ZNF25: variants seen among roughly 807,000 people sequenced by gnomAD.
The protein encoded by ZNF25 is zinc finger protein 25 (KOX 19).
ZNF25 carries 21 observed loss-of-function variants against 30.9 expected under a neutral mutation model. The ratio of observed to expected loss-of-function variants is 0.68; its 90% CI spans 0.48 to 0.98. The LOEUF (loss-of-function observed/expected upper bound fraction) is 0.98. ZNF25 is among the 50% of genes least tolerant of loss of function. The probability of loss-of-function intolerance (pLI) is 0.00; values close to 1 mark genes in which losing one functional copy is unlikely to be tolerated. For synonymous variants in ZNF25, 169 were observed against 181.3 expected (o/e 0.93, Z 0.55); for missense variants, 501 against 529.9 (o/e 0.95, Z 0.54).
At chr10:37,966,928 A>G (rs1366542917) in intron 2 of ZNF25, among the ~76,000 whole-genome samples, 1 of 152,234 alleles carries the variant, frequency 6.6e-6, no homozygotes, top group Admixed American at 6.5e-5. Context: ...CATGATTCAA[A>G]TATATGCCTT....
chr10:37,963,868 G>A (rs984699729), intron 2 of ZNF25, among the ~76,000 whole-genome samples: 3 of 152,142 alleles, frequency 2.0e-5, no homozygotes, highest in African/African-American at 4.8e-5. Context: ...TCAACTACTT[G>A]GGAAGCTGAG....
rs779353939 is a variant in ZNF25 at position 37,949,701 on chromosome 10, G to A, written c.*2426C>T. On this transcript the variant is annotated 3_prime_UTR_variant, in exon 6 of 6. Coordinates refer to ENST00000302609, the MANE Select transcript of ZNF25 (RefSeq NM_145011.4). ...ACTAGTAATGTAGCTGATGGAATTG[G>A]GTATTGTAAGTTTTTTGTTATTGGG... is the stretch of plus-strand genomic sequence containing the variant. 1.1e-4 allele frequency: 17 copies of A among 152,314 alleles called. No individual in the cohort carries two copies. Among genetic ancestry groups the A allele is most frequent in the Admixed American group, 3.9e-4 (6 of 15,272 alleles). The allele number at this position is 152,314 out of a possible 1,614,324, so 9.4% of individuals were successfully genotyped here. A position where few individuals can be genotyped will look rare whatever the true frequency, so the allele number is the denominator to read the frequency against.
In ZNF25 at chr10:37,952,823, T is replaced by C. The variant is rs1467100091; in HGVS notation, c.675A>G (p.Thr225=). 1 of 1,613,980 alleles carries C rather than the reference T, an allele frequency of 6.2e-7. No individual in the cohort carries two copies. Among genetic ancestry groups the C allele is most frequent in the Admixed American group, 1.7e-5 (1 of 59,998 alleles). The change falls in exon 6 of 6, where the codon ACA becomes ACG. Residue 225 remains threonine (T), a synonymous_variant. Coordinates refer to ENST00000302609, the MANE Select transcript of ZNF25 (RefSeq NM_145011.4). Reference sequence around the variant, plus strand: ...CAGTACATTCAAAAGGTTTCTCCCCTGTGTGTGTTTTCTGATGTTCTGTGA... The same window carrying C: ...CAGTACATTCAAAAGGTTTCTCCCCCGTGTGTGTTTTCTGATGTTCTGTGA... ...PHLTEHQKTH[T]GEKPFECTEC...
intron 2 of ZNF25, among the ~76,000 whole-genome samples, chr10:37,962,039 A>G (rs2062911693): frequency 6.6e-6 from 1 of 151,932 alleles, no homozygotes; most frequent in Non-Finnish European, 1.5e-5. Context: ...GTTCAAGACC[A>G]GCCTGGTCAA....
intron 5 of ZNF25, 95 bp downstream of exon 5, chr10:37,953,600 C>T (rs1020031788): frequency 1.6e-5 from 18 of 1,149,252 alleles, no homozygotes; most frequent in African/African-American, 4.6e-5. Flanking sequence ...AGTTTTCTCA[C>T]GTTTAGTATT....
intron 1 of ZNF25, among the ~76,000 whole-genome samples, chr10:37,974,874 A>G (rs536971147): frequency 7.4e-4 from 113 of 152,330 alleles, no homozygotes; most frequent in Non-Finnish European, 1.5e-3. Context: ...GTACCCATCA[A>G]TGCATGAATA....
Position 37,952,739 on chromosome 10 carries a change from T to C in ZNF25, c.759A>G (p.Thr253=), listed in dbSNP as rs780554703. ...AYLMVHQKTH[T]GEKPYECKEC... is the part of the protein sequence containing the mutation. ...CCTTACACTCATAGGGTTTCTCCCC[T>C]GTGTGTGTTTTCTGATGTACCATGA... Residue 253 remains threonine (T), a synonymous_variant, in exon 6 of 6, where the codon ACA becomes ACG. Transcript: ENST00000302609. 4 of 1,613,840 alleles carry C rather than the reference T, an allele frequency of 2.5e-6. No individual in the cohort carries two copies. Among genetic ancestry groups the C allele is most frequent in the Non-Finnish European group, 3.4e-6 (4 of 1,179,934 alleles).
intron 2 of ZNF25, 115 bp downstream of exon 2, chr10:37,971,593 A>G (rs2063489998): frequency 6.6e-7 from 1 of 1,517,042 alleles, no homozygotes; most frequent in South Asian, 1.2e-5. Context: ...CTACGTTTCT[A>G]ATTTAGTATA....
At position 37,964,202 on chromosome 10, in the gene ZNF25, T is replaced by C. The variant is rs115703398; in HGVS notation, c.16-6656A>G. 3.9e-3 allele frequency among the ~76,000 whole-genome samples: 597 copies of C among 152,226 alleles called. 7 individuals are homozygous for C. The highest frequency in any genetic ancestry group is 0.014 in the African/African-American group (568 of 41,522). On this transcript the variant is annotated intron_variant, in intron 2 of 5. Transcript: ENST00000302609. ...TCTTTTCTTTATAAATGACCCAGCC[T>C]CAGGTATTTCTGTGTAGCAATGCAA...
chr10:37,961,004 G>A (rs1427613658), intron 2 of ZNF25, among the ~76,000 whole-genome samples: 1 of 152,102 alleles, frequency 6.6e-6, no homozygotes, highest in East Asian at 1.9e-4. Context: ...TCAAAGGGCT[G>A]GGGTTTGTTA....
At chr10:37,971,390 A>C (rs2063481818) in intron 2 of ZNF25, among the ~76,000 whole-genome samples, 1 of 151,970 alleles carries the variant, frequency 6.6e-6, no homozygotes, top group Non-Finnish European at 1.5e-5. Context: ...GCAGTAACCT[A>C]TTTAGCATGG....
intron 2 of ZNF25, among the ~76,000 whole-genome samples, chr10:37,967,631 T>C (rs1051621816): frequency 1.3e-5 from 2 of 152,034 alleles, no homozygotes; most frequent in African/African-American, 4.8e-5. Context: ...TGGTTTCAAA[T>C]TCCTGGGCTC....
intron 2 of ZNF25, 42 bp downstream of exon 2, chr10:37,971,666 C>CACAT: frequency 6.3e-7 from 1 of 1,577,506 alleles, no homozygotes; most frequent in Non-Finnish European, 8.7e-7. Flanking sequence ...CACACACACA[C>CACAT]ACACACAGTG....
In ZNF25 at chr10:37,952,901, C is replaced by T. The variant is rs1202421298; in HGVS notation, c.597G>A (p.Glu199=). The stretch of plus-strand genomic sequence containing the variant: ...CACACTGATTACATTCATAGGGTTT[C>T]TCTCCTGCATGGGTTCTCAGATGTC... ...LSRHLRTHAG[E]KPYECNQCEK... The change falls in exon 6 of 6, where the codon GAG becomes GAA. Residue 199 remains glutamate, a synonymous_variant. Coordinates refer to ENST00000302609, the MANE Select transcript of ZNF25 (RefSeq NM_145011.4). The T allele has an allele frequency of 6.2e-7, 1 of 1,614,160 alleles. No homozygotes were observed. Among genetic ancestry groups the T allele is most frequent in the South Asian group, 1.1e-5 (1 of 91,084 alleles).
chr10:37,955,355 T>C (rs1445397696), intron 4 of ZNF25, among the ~76,000 whole-genome samples: 3 of 152,212 alleles, frequency 2.0e-5, no homozygotes, highest in Admixed American at 6.5e-5. Context: ...AAGGACTTAA[T>C]ACTGAGTCAG....
intron 4 of ZNF25, among the ~76,000 whole-genome samples, chr10:37,954,195 G>T (rs989950855): frequency 6.6e-6 from 1 of 152,198 alleles, no homozygotes; most frequent in South Asian, 2.1e-4. Flanking sequence ...TAAACTGAAA[G>T]AAGGAGCTGA....
In ZNF25 at chr10:37,950,540, T is replaced by C. The variant is rs1219939853; in HGVS notation, c.*1587A>G. The stretch of plus-strand genomic sequence containing the variant: ...AATCAAGGCACTGGCAGCAAGAAGG[T>C]GGGGAATGAATGTTGGGTAGCCAAC... On this transcript the variant is annotated 3_prime_UTR_variant, in exon 6 of 6. Coordinates refer to ENST00000302609, the MANE Select transcript of ZNF25 (RefSeq NM_145011.4). 6.6e-6 allele frequency: 1 copy of C among 150,466 alleles called. No homozygotes were observed. The highest frequency in any genetic ancestry group is 2.0e-4 in the East Asian group (1 of 5,096). 9.3% of individuals were successfully genotyped at this position (150,466 alleles called of 1,614,324 possible).
At chr10:37,966,752 G>C (rs932046469) in intron 2 of ZNF25, among the ~76,000 whole-genome samples, 2 of 152,172 alleles carry the variant, frequency 1.3e-5, no homozygotes, top group East Asian at 3.9e-4. Context: ...ATGAGATTTG[G>C]GTGGGGACAC....
chr10:37,965,288 G>A (rs1454681201), intron 2 of ZNF25, among the ~76,000 whole-genome samples: 1 of 152,090 alleles, frequency 6.6e-6, no homozygotes, highest in Admixed American at 6.6e-5. Flanking sequence ...GCCCCCACTG[G>A]GGTACTGCCT....
Sources: gnomAD v4.1 joint callset for allele counts (sites outside exome capture counted in the v4.1 genomes callset) on GRCh38, gnomAD v4.1.1 for gene constraint, MANE v1.5 for transcripts, NCBI Gene and HGNC (gene_info 2026-07-23, HGNC 2026-07-21) for gene names.